KPNA3: variants seen among roughly 807,000 people sequenced by gnomAD.
KPNA3 encodes the protein karyopherin subunit alpha 3.
A neutral mutation model predicts 73.8 loss-of-function variants in KPNA3; 13 were observed. The ratio of observed to expected loss-of-function variants is 0.18; its 90% CI spans 0.11 to 0.28. The LOEUF is 0.28. Ranked by LOEUF, KPNA3 falls within the 10% of genes least tolerant of loss-of-function variation. The probability of loss-of-function intolerance (pLI) is 1.00; values close to 1 mark genes in which losing one functional copy is unlikely to be tolerated. For synonymous variants in KPNA3, 186 were observed against 206.9 expected (o/e 0.90, Z 0.87); for missense variants, 360 against 618.1 (o/e 0.58, Z 4.43).
At chr13:49,735,152 TG>T (rs1418178847) in intron 2 of KPNA3, among the ~76,000 whole-genome samples, 1 of 152,180 alleles carries the variant, frequency 6.6e-6, no homozygotes, top group Non-Finnish European at 1.5e-5. Context: ...ATGGAGTTTT[TG>T]CTCTTGTTGC....
intron 2 of KPNA3, among the ~76,000 whole-genome samples, chr13:49,745,094 T>C (rs1215688876): frequency 6.6e-6 from 1 of 152,188 alleles, no homozygotes; most frequent in Non-Finnish European, 1.5e-5. Flanking sequence ...CATGAGACAA[T>C]TGCTCAAATG....
At chr13:49,776,169 GCCTCC>G (rs1319979132) in intron 1 of KPNA3, among the ~76,000 whole-genome samples, 1 of 152,140 alleles carries the variant, frequency 6.6e-6, no homozygotes, top group Non-Finnish European at 1.5e-5. Flanking sequence ...ACCCACCTCA[GCCTCC>G]CAAAGTGCTG....
chr13:49,716,422 T>C (rs545365288), intron 10 of KPNA3, among the ~76,000 whole-genome samples: 21 of 152,138 alleles, frequency 1.4e-4, no homozygotes, highest in Non-Finnish European at 2.8e-4. Flanking sequence ...TTTATGCTTC[T>C]ATCACACTTT....
intron 1 of KPNA3, among the ~76,000 whole-genome samples, chr13:49,762,922 AAAAAC>A (rs1954780403): frequency 3.6e-5 from 5 of 140,416 alleles, no homozygotes; most frequent in African/African-American, 1.2e-4. Context: ...GGCTGGCTTA[AAAAAC>A]AAAAAAAGAA....
intron 1 of KPNA3, among the ~76,000 whole-genome samples, chr13:49,756,802 T>C (rs1054168615): frequency 2.0e-5 from 3 of 152,196 alleles, no homozygotes; most frequent in Non-Finnish European, 2.9e-5. Context: ...TCTAGCCAAT[T>C]TCAAGATATA....
intron 1 of KPNA3, among the ~76,000 whole-genome samples, chr13:49,770,030 C>T (rs1431853101): frequency 6.6e-6 from 1 of 152,066 alleles, no homozygotes; most frequent in African/African-American, 2.4e-5. Flanking sequence ...ATTTGTATGC[C>T]TCCTTCAGGG....
intron 15 of KPNA3, among the ~76,000 whole-genome samples, chr13:49,703,854 A>G (rs1328524831): frequency 1.3e-5 from 2 of 152,182 alleles, no homozygotes; most frequent in African/African-American, 4.8e-5. Context: ...TAATAAACCA[A>G]AAGAATGGGG....
At chr13:49,713,612 A>G (rs1370857977) in intron 10 of KPNA3, among the ~76,000 whole-genome samples, 3 of 147,820 alleles carry the variant, frequency 2.0e-5, no homozygotes, top group African/African-American at 7.5e-5. Flanking sequence ...TAATAGCCTT[A>G]TATTAAACAG....
chr13:49,791,500 CAACT>C (rs1273174826), intron 1 of KPNA3, among the ~76,000 whole-genome samples: 11 of 151,752 alleles, frequency 7.2e-5, no homozygotes, highest in East Asian at 2.0e-4. Flanking sequence ...TGCTGAGTAG[CAACT>C]AACTGAGTGA....
chr13:49,788,647 A>G (rs1955004175), intron 1 of KPNA3, among the ~76,000 whole-genome samples: 1 of 149,260 alleles, frequency 6.7e-6, no homozygotes, highest in African/African-American at 2.5e-5. Flanking sequence ...TGAGCCTGGG[A>G]GGAGGCGAAG....
chr13:49,784,460 C>A (rs1954965915), intron 1 of KPNA3, among the ~76,000 whole-genome samples: 1 of 152,056 alleles, frequency 6.6e-6, no homozygotes. Flanking sequence ...CTGACCCGAA[C>A]AAATTAGTGG....
At chr13:49,773,802 G>A (rs1954874527) in intron 1 of KPNA3, among the ~76,000 whole-genome samples, 1 of 152,102 alleles carries the variant, frequency 6.6e-6, no homozygotes, top group Non-Finnish European at 1.5e-5. Context: ...TTTTCTGAAG[G>A]TCCCTAAAAC....
rs1954139409 is a variant in KPNA3 at position 49,700,753 on chromosome 13, G to GTAAACA, written c.*1041_*1046dup. The stretch of plus-strand genomic sequence containing the variant: ...AAAAATATTTTAAGACTAAATTACA[G>GTAAACA]TAAACATGAAAGCTCCACAGTTTAA... On this transcript the variant is annotated 3_prime_UTR_variant, in exon 17 of 17. Coordinates refer to ENST00000261667, the MANE Select transcript of KPNA3 (RefSeq NM_002267.4). 6.6e-6 allele frequency: 1 copy of GTAAACA among 152,476 alleles called. No homozygotes were observed. Among genetic ancestry groups the GTAAACA allele is most frequent in the African/African-American group, 2.4e-5 (1 of 41,424 alleles). The allele number at this position is 152,476 out of a possible 1,614,324, so 9.4% of individuals were successfully genotyped here. A position where few individuals can be genotyped will look rare whatever the true frequency, so the allele number is the denominator to read the frequency against.
At chr13:49,715,693 C>T (rs1954298110) in intron 10 of KPNA3, among the ~76,000 whole-genome samples, 1 of 152,168 alleles carries the variant, frequency 6.6e-6, no homozygotes, top group African/African-American at 2.4e-5. Flanking sequence ...TTCCCAGATA[C>T]CAAGGCAAAA....
chr13:49,715,932 C>G (rs1282090342), intron 10 of KPNA3, among the ~76,000 whole-genome samples: 1 of 152,158 alleles, frequency 6.6e-6, no homozygotes, highest in East Asian at 1.9e-4. Context: ...GTCCACAAAA[C>G]AGAATCCTGT....
intron 1 of KPNA3, among the ~76,000 whole-genome samples, chr13:49,750,802 G>T (rs1463302750): frequency 1.3e-5 from 2 of 152,092 alleles, no homozygotes; most frequent in Non-Finnish European, 2.9e-5. Flanking sequence ...GACCAGCCTG[G>T]CCAACATGGT....
At chr13:49,768,611 T>A (rs2137591228) in intron 1 of KPNA3, among the ~76,000 whole-genome samples, 1 of 142,260 alleles carries the variant, frequency 7.0e-6, no homozygotes, top group Admixed American at 7.1e-5. Context: ...TTCCATTAGA[T>A]ATTCCTCTCC....
intron 1 of KPNA3, among the ~76,000 whole-genome samples, chr13:49,753,046 A>AG (rs1168600567): frequency 7.6e-6 from 1 of 131,844 alleles, no homozygotes; most frequent in Non-Finnish European, 1.7e-5. Flanking sequence ...AAAAAAAAAA[A>AG]AAAAAAAGAA....
At position 49,792,676 on chromosome 13, in the gene KPNA3, G is replaced by A. The variant is rs1444503486; in HGVS notation, c.-170C>T. On this transcript the variant is annotated 5_prime_UTR_variant, in exon 1 of 17. Transcript: ENST00000261667. ...GGCAGTAGCGCCGGGGGAGGCGCGG[G>A]CCGACTGCCGGGCCGGGTGGGGCGG... 4 of 506,394 alleles carry A rather than the reference G, an allele frequency of 7.9e-6. No individual in the cohort carries two copies. In the African/African-American group the frequency reaches 8.4e-5, roughly 11 times the overall value. 31.4% of individuals were successfully genotyped at this position (506,394 alleles called of 1,614,324 possible). A position where few individuals can be genotyped will look rare whatever the true frequency, so the allele number is the denominator to read the frequency against.
Sources: gnomAD v4.1 joint callset for allele counts (sites outside exome capture counted in the v4.1 genomes callset) on GRCh38, gnomAD v4.1.1 for gene constraint, MANE v1.5 for transcripts, NCBI Gene and HGNC (gene_info 2026-07-23, HGNC 2026-07-21) for gene names.